Variants in CNNM2 observed in about 807,000 individuals in gnomAD.
The protein encoded by CNNM2 is cyclin and CBS domain divalent metal cation transport mediator 2.
A neutral mutation model predicts 66.9 loss-of-function variants in CNNM2; 12 were observed. The ratio of observed to expected loss-of-function variants is 0.18; its 90% CI spans 0.11 to 0.29. The LOEUF (loss-of-function observed/expected upper bound fraction) is 0.29, where lower values mean the gene tolerates loss of function less well. Among genes scored for constraint, CNNM2 ranks in the 10% least tolerant of loss-of-function variants. The pLI is 1.00. For missense variants in CNNM2, 705 were observed against 1,167.7 expected (o/e 0.60, Z 5.77); for synonymous variants, 557 against 501.8 (o/e 1.11, Z -1.47).
chr10:102,927,375 A>C, intron 1 of CNNM2: 2 of 1,613,948 alleles, frequency 1.2e-6, no homozygotes, highest in Non-Finnish European at 1.7e-6. Flanking sequence ...AAATCATACC[A>C]ACACTGAAAA....
At chr10:102,955,952 G>GACC (rs1238601906) in intron 1 of CNNM2, among the ~76,000 whole-genome samples, 2 of 151,882 alleles carry the variant, frequency 1.3e-5, no homozygotes, top group Admixed American at 1.3e-4. Context: ...GTCAGTTCAA[G>GACC]ACCAGCCTGA....
chr10:102,918,870 G>T lies in CNNM2; in HGVS notation c.390G>T (p.Pro130=). 1 of 1,607,464 alleles carries T rather than the reference G, an allele frequency of 6.2e-7. No homozygotes were observed. The highest frequency in any genetic ancestry group is 1.7e-4 in the Middle Eastern group (1 of 6,010). ...FTEHERRRHS[P]GERGLGGPAP... Reference sequence around the variant, plus strand: ...AGCACGAGCGGCGGCGCCACAGCCCGGGGGAGCGCGGGCTGGGGGGCCCCG... The same window carrying T: ...AGCACGAGCGGCGGCGCCACAGCCCTGGGGAGCGCGGGCTGGGGGGCCCCG... The change falls in exon 1 of 8, where the codon CCG becomes CCT. Residue 130 remains proline, a synonymous_variant. Transcript: ENST00000369878. The surrounding 1 kb of genome is among the most constrained non-coding windows in gnomAD (Gnocchi z 4.1).
intron 1 of CNNM2, among the ~76,000 whole-genome samples, chr10:103,022,711 T>C (rs756129883): frequency 6.6e-6 from 1 of 152,182 alleles, no homozygotes; most frequent in East Asian, 1.9e-4. Flanking sequence ...AAGGAGTACC[T>C]GAGACTGGGT....
intron 3 of CNNM2, 111 bp from the exon 4 acceptor site, chr10:103,056,684 G>GCTAT: frequency 9.8e-7 from 1 of 1,025,602 alleles, no homozygotes; most frequent in Non-Finnish European, 1.5e-6. Context: ...CCATTCAAAT[G>GCTAT]CTATCACTTT....
intron 1 of CNNM2, among the ~76,000 whole-genome samples, chr10:103,017,249 A>T (rs528242301): frequency 6.6e-6 from 1 of 152,320 alleles, no homozygotes; most frequent in African/African-American, 2.4e-5. Context: ...AAGATGGATT[A>T]TTAACAGCTA....
At chr10:103,012,131 A>G (rs1003576899) in intron 1 of CNNM2, among the ~76,000 whole-genome samples, 1 of 152,200 alleles carries the variant, frequency 6.6e-6, no homozygotes, top group Non-Finnish European at 1.5e-5. Context: ...CAGTACAACA[A>G]AGAATTTCAT....
At chr10:103,060,511 C>T (rs2065366611) in intron 4 of CNNM2, among the ~76,000 whole-genome samples, 8 of 152,162 alleles carry the variant, frequency 5.3e-5, no homozygotes, top group Admixed American at 5.2e-4. Context: ...TGCCACTGCA[C>T]TCCAGCCTGA....
At chr10:103,011,335 C>T (rs982268321) in intron 1 of CNNM2, among the ~76,000 whole-genome samples, 2 of 152,086 alleles carry the variant, frequency 1.3e-5, no homozygotes, top group African/African-American at 4.8e-5. Flanking sequence ...TGCCTGTAAT[C>T]CCAGCTACTC....
At chr10:102,999,441 A>C (rs1322178252) in intron 1 of CNNM2, among the ~76,000 whole-genome samples, 1 of 152,094 alleles carries the variant, frequency 6.6e-6, no homozygotes, top group African/African-American at 2.4e-5. Context: ...AAAGAGTTTT[A>C]TTTACAATAA....
chr10:102,998,570 A>G (rs1390947679), intron 1 of CNNM2, among the ~76,000 whole-genome samples: 1 of 152,214 alleles, frequency 6.6e-6, no homozygotes, highest in African/African-American at 2.4e-5. Flanking sequence ...AATGAATAAC[A>G]TATAGCCCTT....
chr10:103,011,686 A>G (rs147449447), intron 1 of CNNM2, among the ~76,000 whole-genome samples: 311 of 83,214 alleles, frequency 3.7e-3, no homozygotes, highest in Middle Eastern at 6.3e-3. Flanking sequence ...GTGTGTGTGT[A>G]TGTATAATTT....
intron 1 of CNNM2, among the ~76,000 whole-genome samples, chr10:102,990,030 T>TC (rs1418598758): frequency 6.6e-6 from 1 of 151,054 alleles, no homozygotes; most frequent in African/African-American, 2.4e-5. Flanking sequence ...CTGCAACCTC[T>TC]CCCTCCCCGG....
intron 1 of CNNM2, among the ~76,000 whole-genome samples, chr10:103,010,421 G>A (rs2064320320): frequency 6.6e-6 from 1 of 151,224 alleles, no homozygotes; most frequent in Non-Finnish European, 1.5e-5. Flanking sequence ...GTAGAGATGG[G>A]GTTTCGCCAT....
rs943574574 is a variant in CNNM2 at position 103,076,318 on chromosome 10, A to G, written c.2418+48A>G. ...GGCTGGACCTGGCAGTTAGTTGTCA[A>G]CTTCCCTGGCAAATTGTCTGTTTTG... On this transcript the variant is annotated intron_variant, in intron 7 of 7. Transcript: ENST00000369878. 22 of 1,532,862 alleles carry G rather than the reference A, an allele frequency of 1.4e-5. No individual in the cohort carries two copies. In the African/African-American group the frequency reaches 2.5e-4, roughly 17 times the overall value. The allele number at this position is 1,532,862 out of a possible 1,614,324, so 95.0% of individuals were successfully genotyped here.
chr10:103,027,484 C>CGAGA (rs2064729283), intron 1 of CNNM2: 1 of 152,214 alleles, frequency 6.6e-6, no homozygotes, highest in East Asian at 1.9e-4. Flanking sequence ...AGGACAATCT[C>CGAGA]CATAACCCAT....
chr10:103,029,822 C>CGAT (rs2064787917), intron 1 of CNNM2, among the ~76,000 whole-genome samples: 1 of 149,704 alleles, frequency 6.7e-6, no homozygotes, highest in Non-Finnish European at 1.5e-5. Flanking sequence ...GCCAAGATCA[C>CGAT]GCCACTGCAC....
intron 1 of CNNM2, among the ~76,000 whole-genome samples, chr10:103,019,573 A>T (rs1011228984): frequency 1.3e-5 from 2 of 152,148 alleles, no homozygotes; most frequent in African/African-American, 4.8e-5. Context: ...GCTAATGCAG[A>T]TTATCTGGGA....
intron 1 of CNNM2, among the ~76,000 whole-genome samples, chr10:102,999,382 A>C (rs2064071213): frequency 6.6e-6 from 1 of 151,904 alleles, no homozygotes; most frequent in Non-Finnish European, 1.5e-5. Flanking sequence ...GCACCCGGCC[A>C]AAAATTGCTT....
At chr10:103,020,257 G>T (rs1482914027) in intron 1 of CNNM2, among the ~76,000 whole-genome samples, 2 of 151,860 alleles carry the variant, frequency 1.3e-5, no homozygotes, top group Non-Finnish European at 2.9e-5. Context: ...CTGGGTTCAA[G>T]CGATTCTCCT....
Sources: gnomAD v4.1 joint callset for allele counts (sites outside exome capture counted in the v4.1 genomes callset) on GRCh38, gnomAD v4.1.1 for gene constraint, Gnocchi (gnomAD v3.1) non-coding constraint, MANE v1.5 for transcripts, NCBI Gene and HGNC (gene_info 2026-07-23, HGNC 2026-07-21) for gene names.